The following NIN variants were observed in gnomAD, a reference collection of about 807,000 sequenced individuals.
The protein encoded by NIN is glycogen synthase kinase 3 beta-interacting protein.
A neutral mutation model predicts 257.6 loss-of-function variants in NIN; 137 were observed. That is an observed-to-expected ratio of 0.53 (90% CI 0.46 to 0.61). NIN has a LOEUF of 0.61. Among genes scored for constraint, NIN ranks in the 20% least tolerant of loss-of-function variants. The probability of loss-of-function intolerance (pLI) is 0.00; values close to 1 mark genes in which losing one functional copy is unlikely to be tolerated. For synonymous variants in NIN, 918 were observed against 919.8 expected (o/e 1.00, Z 0.04); for missense variants, 2,439 against 2,501.2 (o/e 0.98, Z 0.53).
Position 50,760,317 on chromosome 14 carries a change from A to G in NIN, c.1939T>C (p.Cys647Arg). The change falls in exon 17 of 31, where the codon TGC becomes CGC. Residue 647 changes from cysteine to arginine, a missense_variant. Cys to Arg is a radical substitution (Grantham distance 180, BLOSUM62 -3). Transcript: ENST00000530997. Reference sequence around the variant, plus strand: ...TTCATGTTCTCCTGTGCCTTCTTGCAGCTGACCACGGTTTCGTCCAGCTGC... The same window carrying G: ...TTCATGTTCTCCTGTGCCTTCTTGCGGCTGACCACGGTTTCGTCCAGCTGC... ...EKQLDETVVS[C>R]KKAQENMKQR... 6.2e-7 allele frequency: 1 copy of G among 1,607,802 alleles called. No homozygotes were observed.
At chr14:50,791,475 G>C (rs986562062) in intron 5 of NIN, among the ~76,000 whole-genome samples, 1 of 147,172 alleles carries the variant, frequency 6.8e-6, no homozygotes, top group African/African-American at 2.5e-5. Context: ...CTCTCTTTTA[G>C]TTGCTTTTCT....
intron 5 of NIN, among the ~76,000 whole-genome samples, chr14:50,788,855 T>C (rs1285661834): frequency 6.6e-6 from 1 of 152,202 alleles, no homozygotes; most frequent in Non-Finnish European, 1.5e-5. Flanking sequence ...AAATTAGTCT[T>C]CTGTTGAGTA....
chr14:50,753,608 A>T (rs1335210325), intron 20 of NIN, among the ~76,000 whole-genome samples: 1 of 152,186 alleles, frequency 6.6e-6, no homozygotes, highest in Non-Finnish European at 1.5e-5. Flanking sequence ...TTTTGTATTT[A>T]GAATTATTTT....
At chr14:50,811,111 C>CT (rs61652857) in intron 3 of NIN, among the ~76,000 whole-genome samples, 19,049 of 141,974 alleles carry the variant, frequency 0.13, 1,466 homozygotes, top group East Asian at 0.35. Context: ...GAAGCTATTA[C>CT]TTTTTTTTTT....
chr14:50,797,163 C>T (rs1311058993), intron 4 of NIN, among the ~76,000 whole-genome samples: 1 of 152,202 alleles, frequency 6.6e-6, no homozygotes, highest in Non-Finnish European at 1.5e-5. Flanking sequence ...TTACCAAACA[C>T]CTGCCATAGG....
chr14:50,787,974 G>T (rs1385566040), intron 5 of NIN, among the ~76,000 whole-genome samples: 1 of 152,052 alleles, frequency 6.6e-6, no homozygotes, highest in Non-Finnish European at 1.5e-5. Context: ...AGCATGGGGT[G>T]GGGGAAGGGA....
In NIN at chr14:50,760,267, G is replaced by C. The variant is rs557582869; in HGVS notation, c.1989C>G (p.His663Gln). The C allele has an allele frequency of 6.4e-5, 103 of 1,610,938 alleles. No homozygotes were observed. In the South Asian group the frequency reaches 1.1e-3, roughly 17 times the overall value. ...GGTCACTTATTTGTTTTTCTAAGGT[G>C]TGCGTTTCGTTCTCATGCCTTTGCT... ...NMKQRHENET[H>Q]TLEKQISDLK... The change falls in exon 17 of 31, where the codon CAC becomes CAG. Residue 663 changes from histidine (H) to glutamine (Q), a missense_variant. His to Gln is a conservative substitution (Grantham distance 24, BLOSUM62 0). Around this residue, in one of 3 missense-constraint regions of NIN, gnomAD observed 2,043 missense variants for 2,050.2 expected, o/e 1.00. Transcript: ENST00000530997.
chr14:50,770,859 T>C lies in NIN; in HGVS notation c.1252A>G (p.Asn418Asp). ...HAAIERRNEY[N>D]LRKLDEEYKE... The stretch of plus-strand genomic sequence containing the variant: ...TCACTCTGCTGGCCTCACCTGAGGT[T>C]GTACTCATTCCGCCGCTCTATGGCC... The change falls in exon 11 of 31, where the codon AAC becomes GAC. Residue 418 changes from asparagine (N) to aspartate (D), a missense_variant. Around this residue, in one of 3 missense-constraint regions of NIN, gnomAD observed 2,043 missense variants for 2,050.2 expected, o/e 1.00. Coordinates refer to ENST00000530997, the MANE Select transcript of NIN (RefSeq NM_020921.4). 6.2e-7 allele frequency: 1 copy of C among 1,613,448 alleles called. No homozygotes were observed. The highest frequency in any genetic ancestry group is 8.5e-7 in the Non-Finnish European group (1 of 1,179,760).
chr14:50,786,294 G>T (rs997140079), intron 5 of NIN, among the ~76,000 whole-genome samples: 4 of 150,356 alleles, frequency 2.7e-5, no homozygotes, highest in African/African-American at 4.9e-5. Flanking sequence ...ATGTAGGACA[G>T]AAAATGTTAC....
At chr14:50,775,297 G>A (rs2141849460) in intron 7 of NIN, among the ~76,000 whole-genome samples, 1 of 152,252 alleles carries the variant, frequency 6.6e-6, no homozygotes, top group Middle Eastern at 3.4e-3. Context: ...CGGGCATGCT[G>A]GTTTGCATCT....
chr14:50,729,437 T>C (rs1278123381), intron 29 of NIN, 86 bp downstream of exon 29: 4 of 1,336,046 alleles, frequency 3.0e-6, no homozygotes, highest in African/African-American at 1.5e-5. Flanking sequence ...ATTTAGGTTC[T>C]TTCTCTCCAC....
At chr14:50,809,549 AT>A (rs2044485741) in intron 3 of NIN, among the ~76,000 whole-genome samples, 1 of 152,178 alleles carries the variant, frequency 6.6e-6, no homozygotes, top group African/African-American at 2.4e-5. Flanking sequence ...AAGATTTCAG[AT>A]TCTTTAACTT....
chr14:50,776,761 T>C (rs1441718877), intron 7 of NIN, among the ~76,000 whole-genome samples, 188 bp downstream of exon 7: 7 of 152,212 alleles, frequency 4.6e-5, no homozygotes, highest in Non-Finnish European at 4.4e-5. Context: ...GTGTCAGCTC[T>C]TGTCAGTTTT....
intron 4 of NIN, among the ~76,000 whole-genome samples, chr14:50,798,242 G>A (rs533923522): frequency 6.6e-6 from 1 of 152,254 alleles, no homozygotes; most frequent in South Asian, 2.1e-4. Flanking sequence ...GTTTAATTAG[G>A]TCTTTCAGTT....
chr14:50,821,032 C>A (rs1429881124), intron 3 of NIN, among the ~76,000 whole-genome samples: 1 of 152,186 alleles, frequency 6.6e-6, no homozygotes, highest in Non-Finnish European at 1.5e-5. Context: ...CAGAATGAAG[C>A]AACAGACTGC....
intron 17 of NIN, 141 bp downstream of exon 17, chr14:50,759,716 C>G (rs907433988): frequency 3.6e-6 from 3 of 833,896 alleles, no homozygotes; most frequent in African/African-American, 1.7e-5. Context: ...GTCTCGATCT[C>G]CTGACCTCGT....
chr14:50,810,470 C>G (rs368523205), intron 3 of NIN, among the ~76,000 whole-genome samples: 2 of 152,072 alleles, frequency 1.3e-5, no homozygotes, highest in Non-Finnish European at 2.9e-5. Context: ...AATAAGAGAA[C>G]TGCTTGAGGC....
chr14:50,811,852 G>A (rs1401311579), intron 3 of NIN, among the ~76,000 whole-genome samples: 3 of 152,078 alleles, frequency 2.0e-5, no homozygotes, highest in Non-Finnish European at 4.4e-5. Flanking sequence ...AAATTAGCCA[G>A]GCGTGGTGGC....
At chr14:50,770,261 C>T (rs1344947917) in intron 12 of NIN, 127 bp downstream of exon 12, 1 of 931,612 alleles carries the variant, frequency 1.1e-6, no homozygotes, top group Non-Finnish European at 1.6e-6. Flanking sequence ...TGGGTGAAGA[C>T]CCAGCTGGGC....
Sources: gnomAD v4.1 joint callset for allele counts (sites outside exome capture counted in the v4.1 genomes callset) on GRCh38, gnomAD v4.1.1 for gene constraint, gnomAD v4.1.1 regional missense constraint, MANE v1.5 for transcripts, NCBI Gene and HGNC (gene_info 2026-07-23, HGNC 2026-07-21) for gene names.